The following EPC2 variants were observed in gnomAD, a reference collection of about 807,000 sequenced individuals.
EPC2 encodes enhancer of polycomb homolog 2.
Under a neutral mutation model 92.1 loss-of-function variants are expected in EPC2, and 14 were observed. The ratio of observed to expected loss-of-function variants is 0.15; its 90% CI spans 0.10 to 0.24. The LOEUF (loss-of-function observed/expected upper bound fraction) is 0.24. EPC2 is among the 10% of genes least tolerant of loss of function. The probability of loss-of-function intolerance (pLI) is 1.00; values close to 1 mark genes in which losing one functional copy is unlikely to be tolerated. For missense variants in EPC2, 755 were observed against 971.5 expected (o/e 0.78, Z 2.96); for synonymous variants, 340 against 334.7 (o/e 1.02, Z -0.17).
chr2:148,762,010 G>A, intron 5 of EPC2, 80 bp downstream of exon 5: 1 of 1,223,168 alleles, frequency 8.2e-7, no homozygotes, highest in Non-Finnish European at 1.1e-6. Flanking sequence ...TTTTTAGGGG[G>A]GAACAGGTTA....
intron 4 of EPC2, among the ~76,000 whole-genome samples, chr2:148,755,443 G>C (rs1320032789): frequency 6.6e-6 from 1 of 151,934 alleles, no homozygotes. Flanking sequence ...AAGTAGGGAA[G>C]GGTTCATTTT....
intron 3 of EPC2, among the ~76,000 whole-genome samples, chr2:148,751,313 T>C (rs977273492): frequency 3.3e-5 from 5 of 152,172 alleles, no homozygotes; most frequent in Admixed American, 3.3e-4. Flanking sequence ...GTGGTCCTTG[T>C]CTTCATAGAG....
chr2:148,771,823 G>T lies in EPC2; in HGVS notation c.1720+436G>T, dbSNP rs532544850. ...AATAATTTTTTTTTTTTTTTAGATG[G>T]AGTCTCGCTGTGTCGCCCAGGCTGG... On this transcript the variant is annotated intron_variant, in intron 10 of 13. Transcript: ENST00000258484. Among the ~76,000 whole-genome samples the T allele has an allele frequency of 2.0e-5, 3 of 150,318 alleles. No individual in the cohort carries two copies. In the South Asian group the frequency reaches 6.3e-4, roughly 32 times the overall value.
chr2:148,772,312 A>C (rs1683538592), intron 10 of EPC2, among the ~76,000 whole-genome samples: 1 of 152,196 alleles, frequency 6.6e-6, no homozygotes, highest in Admixed American at 6.5e-5. Flanking sequence ...ATTTATAGAT[A>C]TCTTTATACA....
At chr2:148,688,972 G>T (rs1353936233) in intron 1 of EPC2, among the ~76,000 whole-genome samples, 1 of 152,116 alleles carries the variant, frequency 6.6e-6, no homozygotes, top group African/African-American at 2.4e-5. Context: ...AAACAGGGAA[G>T]GAATGCTAGA....
chr2:148,768,121 A>G (rs1266049711), intron 7 of EPC2, among the ~76,000 whole-genome samples: 1 of 152,146 alleles, frequency 6.6e-6, no homozygotes, highest in Non-Finnish European at 1.5e-5. Flanking sequence ...TATGGAGAAA[A>G]CATTTTTCCT....
chr2:148,771,610 T>C (rs956862382), intron 10 of EPC2, among the ~76,000 whole-genome samples: 1 of 151,866 alleles, frequency 6.6e-6, no homozygotes, highest in Non-Finnish European at 1.5e-5. Flanking sequence ...GCAGAATGCA[T>C]ACAGAGTTCC....
At chr2:148,665,198 A>G (rs946519201) in intron 1 of EPC2, among the ~76,000 whole-genome samples, 11 of 152,160 alleles carry the variant, frequency 7.2e-5, no homozygotes, top group African/African-American at 1.9e-4. Flanking sequence ...GGTTGTTTTC[A>G]TATATAGGTA....
chr2:148,697,785 A>T (rs1681781476), intron 2 of EPC2, among the ~76,000 whole-genome samples: 2 of 152,196 alleles, frequency 1.3e-5, no homozygotes, highest in Non-Finnish European at 2.9e-5. Flanking sequence ...GGTTTTAGGG[A>T]TTAACTCAGC....
intron 1 of EPC2, among the ~76,000 whole-genome samples, chr2:148,668,947 T>G (rs1681104191): frequency 6.6e-6 from 1 of 152,188 alleles, no homozygotes; most frequent in South Asian, 2.1e-4. Flanking sequence ...CTTCCAGGTT[T>G]TTAGGGTAAA....
At chr2:148,706,628 A>G (rs192100978) in intron 2 of EPC2, among the ~76,000 whole-genome samples, 56 of 152,364 alleles carry the variant, frequency 3.7e-4, no homozygotes, top group African/African-American at 1.0e-3. Context: ...AGAGAAGCCT[A>G]TCAGACTAAC....
At chr2:148,720,462 C>CG (rs1366792540) in intron 2 of EPC2, among the ~76,000 whole-genome samples, 2 of 152,124 alleles carry the variant, frequency 1.3e-5, no homozygotes, top group African/African-American at 4.8e-5. Flanking sequence ...CAACCCCTCT[C>CG]GGGGGGTATA....
chr2:148,733,467 TTC>T (rs1353360711), intron 2 of EPC2, among the ~76,000 whole-genome samples: 2 of 150,074 alleles, frequency 1.3e-5, no homozygotes, highest in African/African-American at 2.4e-5. Flanking sequence ...TCTCTTTTCT[TTC>T]TCTCTCTGGA....
At chr2:148,647,668 CTG>C (rs1435325657) in intron 1 of EPC2, among the ~76,000 whole-genome samples, 1 of 104,182 alleles carries the variant, frequency 9.6e-6, no homozygotes, top group Non-Finnish European at 1.8e-5. Flanking sequence ...GAGTCTAGCT[CTG>C]TCGCCAGGCT....
At chr2:148,771,471 T>C in intron 10 of EPC2, 84 bp downstream of exon 10, 3 of 1,298,860 alleles carry the variant, frequency 2.3e-6, no homozygotes, top group Non-Finnish European at 3.2e-6. Flanking sequence ...CTTAACCTAC[T>C]TAATTTTTTT....
intron 2 of EPC2, among the ~76,000 whole-genome samples, chr2:148,713,177 T>A (rs1159959278): frequency 6.6e-6 from 1 of 152,234 alleles, no homozygotes; most frequent in Non-Finnish European, 1.5e-5. Flanking sequence ...AGGCAGGTCC[T>A]TCAGGAGATA....
At chr2:148,735,130 T>C (rs1682725643) in intron 2 of EPC2, among the ~76,000 whole-genome samples, 1 of 152,072 alleles carries the variant, frequency 6.6e-6, no homozygotes, top group African/African-American at 2.4e-5. Flanking sequence ...TGTCATCTTG[T>C]CCACATTTAT....
Position 148,784,741 on chromosome 2 carries a change from A to C in EPC2, c.2091A>C (p.Val697=), listed in dbSNP as rs773502492. The part of the protein sequence containing the change: ...SSPGISAVQL[V]RTVGHTTTNH... ...CAGGGATTTCAGCTGTACAGCTTGT[A>C]AGGACAGTTGGCCACACCACTACAA... The change falls in exon 13 of 14, where the codon GTA becomes GTC. Residue 697 remains valine, a synonymous_variant. Transcript: ENST00000258484. 6.2e-7 allele frequency: 1 copy of C among 1,613,854 alleles called. No homozygotes were observed. The highest frequency in any genetic ancestry group is 8.5e-7 in the Non-Finnish European group (1 of 1,179,868).
intron 1 of EPC2, 34 bp downstream of exon 1, chr2:148,645,204 C>A: frequency 6.7e-7 from 1 of 1,502,422 alleles, no homozygotes; most frequent in South Asian, 1.2e-5. Flanking sequence ...CCCCCCTTCC[C>A]TCCTCCCCCC....
Sources: allele counts gnomAD v4.1 joint callset (sites outside exome capture counted in the v4.1 genomes callset), GRCh38; gene constraint gnomAD v4.1.1; transcripts MANE v1.5; gene names NCBI Gene and HGNC (gene_info 2026-07-23, HGNC 2026-07-21).